The following CEMIP variants were observed in gnomAD, a reference collection of about 807,000 sequenced individuals.
CEMIP encodes the protein cell migration-inducing and hyaluronan-binding protein.
CEMIP carries 105 observed loss-of-function variants against 156.9 expected under a neutral mutation model. The ratio of observed to expected loss-of-function variants is 0.67; its 90% CI spans 0.57 to 0.79. The LOEUF (loss-of-function observed/expected upper bound fraction) is 0.79, where lower values mean the gene tolerates loss of function less well. Ranked by LOEUF, CEMIP falls within the 30% of genes least tolerant of loss-of-function variation. The pLI, the probability that CEMIP is intolerant of heterozygous loss-of-function variation, is 0.00. For missense variants in CEMIP, 1,457 were observed against 1,769.4 expected (o/e 0.82, Z 3.17); for synonymous variants, 676 against 668.4 (o/e 1.01, Z -0.17).
At chr15:80,805,730 A>C (rs1896497541) in intron 1 of CEMIP, among the ~76,000 whole-genome samples, 1 of 152,266 alleles carries the variant, frequency 6.6e-6, no homozygotes, top group African/African-American at 2.4e-5. Context: ...ACAAAACTCT[A>C]ACATGAATCA....
Position 80,948,856 on chromosome 15 carries a change from A to T in CEMIP, c.4018A>T (p.Thr1340Ser). 6.2e-7 allele frequency: 1 copy of T among 1,614,214 alleles called. No individual in the cohort carries two copies. The stretch of plus-strand genomic sequence containing the variant: ...CCGGCCCATCTGGGTGACACTGGAC[A>T]CTGAGGATCACAAAGCCAAAATCTT... ...SFRPIWVTLD[T>S]EDHKAKIFQV... The change falls in exon 30 of 30, where the codon ACT (threonine) becomes TCT (serine). Residue 1340 changes from threonine to serine, a missense_variant. Thr to Ser is a moderately conservative substitution (Grantham distance 58). Around this residue, in one of 5 missense-constraint regions of CEMIP, gnomAD observed 798 missense variants for 980.1 expected, o/e 0.81. Coordinates refer to ENST00000394685, the MANE Select transcript of CEMIP (RefSeq NM_001293298.2).
chr15:80,920,457 CAAAGCAGGTGGGAGGGA>C (rs1488716962), intron 15 of CEMIP, among the ~76,000 whole-genome samples, 158 bp downstream of exon 15: 1 of 152,246 alleles, frequency 6.6e-6, no homozygotes, highest in Non-Finnish European at 1.5e-5. Context: ...CAGCTTCCTG[CAAAGCAGGTGGGAGGGA>C]GGGTGTCTTC....
At chr15:80,848,371 A>ATGCTC (rs1415369741) in intron 1 of CEMIP, among the ~76,000 whole-genome samples, 3 of 152,162 alleles carry the variant, frequency 2.0e-5, no homozygotes, top group Non-Finnish European at 4.4e-5. Context: ...TTCCTGTTCC[A>ATGCTC]TGCTCTGACA....
intron 3 of CEMIP, among the ~76,000 whole-genome samples, chr15:80,874,790 TG>T (rs1282843912): frequency 6.6e-6 from 1 of 152,182 alleles, no homozygotes; most frequent in Admixed American, 6.5e-5. Context: ...AAATTTCAAA[TG>T]GGGGTTTAGT....
chr15:80,887,141 T>C (rs1898872521), intron 7 of CEMIP, among the ~76,000 whole-genome samples: 2 of 152,174 alleles, frequency 1.3e-5, no homozygotes, highest in Admixed American at 1.3e-4. Context: ...GGATGTACAA[T>C]TTTTCAAAAC....
intron 14 of CEMIP, among the ~76,000 whole-genome samples, chr15:80,916,726 G>A (rs1043768829): frequency 1.4e-4 from 22 of 152,114 alleles, no homozygotes; most frequent in African/African-American, 1.2e-4. Flanking sequence ...AAATTTAGAC[G>A]TCATCCCATC....
intron 5 of CEMIP, 33 bp downstream of exon 5, chr15:80,879,887 C>T: frequency 6.2e-7 from 1 of 1,612,654 alleles, no homozygotes; most frequent in Non-Finnish European, 8.5e-7. Flanking sequence ...TCAAATGCTA[C>T]CCATGGATCT....
intron 3 of CEMIP, among the ~76,000 whole-genome samples, chr15:80,875,117 T>C (rs553443282): frequency 3.5e-5 from 5 of 141,446 alleles, no homozygotes; most frequent in Non-Finnish European, 7.6e-5. Context: ...CACTGCAGCC[T>C]CTACCTCCCG....
intron 1 of CEMIP, among the ~76,000 whole-genome samples, chr15:80,858,602 G>A (rs1897910561): frequency 1.3e-5 from 2 of 151,680 alleles, no homozygotes; most frequent in Admixed American, 6.6e-5. Flanking sequence ...GCACATGCCT[G>A]TAATACCAGC....
chr15:80,899,095 C>G (rs1382041131), intron 12 of CEMIP, among the ~76,000 whole-genome samples: 1 of 151,940 alleles, frequency 6.6e-6, no homozygotes, highest in Non-Finnish European at 1.5e-5. Flanking sequence ...TGCCTGTAAT[C>G]CCAGCTACTC....
At chr15:80,917,984 A>C (rs1900333811) in intron 14 of CEMIP, among the ~76,000 whole-genome samples, 1 of 152,184 alleles carries the variant, frequency 6.6e-6, no homozygotes, top group African/African-American at 2.4e-5. Context: ...TGTCATATGA[A>C]AGACCCTGGG....
chr15:80,825,010 G>A (rs370878727), intron 1 of CEMIP, among the ~76,000 whole-genome samples: 21 of 152,190 alleles, frequency 1.4e-4, no homozygotes, highest in African/African-American at 4.3e-4. Context: ...CTGTGAGCTT[G>A]AGTAAAATAG....
intron 28 of CEMIP, among the ~76,000 whole-genome samples, chr15:80,945,248 GTTC>G (rs747522014): frequency 4.6e-5 from 7 of 152,334 alleles, no homozygotes; most frequent in Non-Finnish European, 1.0e-4. Flanking sequence ...GCAAAGAAGT[GTTC>G]CCAACATAGG....
At chr15:80,916,765 C>T (rs1342750119) in intron 14 of CEMIP, among the ~76,000 whole-genome samples, 1 of 143,576 alleles carries the variant, frequency 7.0e-6, no homozygotes, top group Non-Finnish European at 1.5e-5. Flanking sequence ...AAGTCACACA[C>T]AGCAAGTTTG....
At chr15:80,816,767 G>C (rs1896796352) in intron 1 of CEMIP, among the ~76,000 whole-genome samples, 1 of 152,096 alleles carries the variant, frequency 6.6e-6, no homozygotes, top group Non-Finnish European at 1.5e-5. Flanking sequence ...ACGAGGGTGA[G>C]AGGACATTGT....
chr15:80,789,746 T>C (rs1896032275), intron 1 of CEMIP, among the ~76,000 whole-genome samples: 1 of 152,200 alleles, frequency 6.6e-6, no homozygotes, highest in Non-Finnish European at 1.5e-5. Flanking sequence ...CAGTGTAATG[T>C]TACAAATGGT....
At chr15:80,852,351 T>C (rs551654448) in intron 1 of CEMIP, among the ~76,000 whole-genome samples, 2 of 152,076 alleles carry the variant, frequency 1.3e-5, no homozygotes, top group Non-Finnish European at 2.9e-5. Flanking sequence ...TACATCAGAA[T>C]CAGAACCTTT....
chr15:80,915,655 C>T (rs902174492), intron 14 of CEMIP, among the ~76,000 whole-genome samples: 1 of 152,030 alleles, frequency 6.6e-6, no homozygotes, highest in African/African-American at 2.4e-5. Context: ...CAAACGCTTC[C>T]CCCCAGGCTA....
chr15:80,900,640 G>GTGTGTGTGTCTGTGTGTC (rs1899471290), intron 12 of CEMIP, among the ~76,000 whole-genome samples: 1 of 130,338 alleles, frequency 7.7e-6, no homozygotes, highest in Non-Finnish European at 1.7e-5. Context: ...GTGTGTGTGT[G>GTGTGTGTGTCTGTGTGTC]TGTGTGTGTC....
Sources: allele counts gnomAD v4.1 joint callset (sites outside exome capture counted in the v4.1 genomes callset), GRCh38; gene constraint gnomAD v4.1.1; regional missense constraint gnomAD v4.1.1; transcripts MANE v1.5; gene names NCBI Gene and HGNC (gene_info 2026-07-23, HGNC 2026-07-21).